Variants in MTMR10 observed in about 807,000 individuals in gnomAD.
MTMR10 encodes myotubularin related protein 10.
Under a neutral mutation model 88.1 loss-of-function variants are expected in MTMR10, and 56 were observed. The ratio of observed to expected loss-of-function variants is 0.64; its 90% CI spans 0.51 to 0.79. MTMR10 has a LOEUF of 0.79. MTMR10 is among the 30% of genes least tolerant of loss of function. MTMR10 has a pLI of 0.00. For synonymous variants in MTMR10, 380 were observed against 340.9 expected (o/e 1.11, Z -1.26); for missense variants, 883 against 924.7 (o/e 0.95, Z 0.58).
At chr15:30,966,248 A>C (rs2063470948) in intron 6 of MTMR10, among the ~76,000 whole-genome samples, 1 of 152,264 alleles carries the variant, frequency 6.6e-6, no homozygotes, top group Admixed American at 6.5e-5. Flanking sequence ...AATGATGTAG[A>C]TTTTAAAATT....
At chr15:30,977,327 T>C (rs2030228024) in intron 2 of MTMR10, among the ~76,000 whole-genome samples, 1 of 152,240 alleles carries the variant, frequency 6.6e-6, no homozygotes, top group African/African-American at 2.4e-5. Context: ...TTGTGTTTTA[T>C]TAACACATGA....
intron 6 of MTMR10, chr15:30,965,902 C>T: frequency 2.8e-6 from 1 of 359,454 alleles, no homozygotes; most frequent in Admixed American, 3.1e-5. Flanking sequence ...TTCTTTAATC[C>T]AGCCAATGAA....
intron 13 of MTMR10, 95 bp from the exon 14 acceptor site, chr15:30,947,395 G>C: frequency 7.2e-7 from 1 of 1,395,058 alleles, no homozygotes; most frequent in Non-Finnish European, 9.7e-7. Context: ...AAGAAGAGAT[G>C]AATGAGAAAA....
chr15:30,930,799 C>A, the MTMR10 span: 1 of 1,181,592 alleles, frequency 8.5e-7, no homozygotes, highest in East Asian at 2.4e-5. Flanking sequence ...GGGCCGAGGG[C>A]CTGGGTTCCT....
rs2959048 is a variant in MTMR10, at chr15:30,964,408, G to C, written c.566-3335C>G. ...CTAACTTACACAAATTTTTCTAAAC[G>C]TAAAATGAGAACATCTATATTTTCT... On this transcript the variant is annotated intron_variant, in intron 6 of 15. Coordinates refer to ENST00000435680, the MANE Select transcript of MTMR10 (RefSeq NM_017762.3). Among the ~76,000 whole-genome samples the C allele has an allele frequency of 2.6e-5, 4 of 152,252 alleles. No homozygotes were observed. The East Asian group carries it at 7.7e-4, about 29-fold the overall frequency.
rs781389500 is a variant in MTMR10 at position 30,948,352 on chromosome 15, C to A, written c.1327G>T (p.Gly443Ter). 6.2e-7 allele frequency: 1 copy of A among 1,613,788 alleles called. No homozygotes were observed. The highest frequency in any genetic ancestry group is 8.5e-7 in the Non-Finnish European group (1 of 1,179,802). The stretch of plus-strand genomic sequence containing the variant: ...TTGCATCTGTCTAGAAACTGATATC[C>A]TGCCATGACCCACTCCTTCTGTATC... ...SLIQKEWVMA[G>*]YQFLDRCNHL... The change falls in exon 13 of 16, where the codon GGA (glycine) becomes TGA (stop). Residue 443 changes from glycine to a stop codon, truncating the protein, a stop_gained. Coordinates refer to ENST00000435680, the MANE Select transcript of MTMR10 (RefSeq NM_017762.3). LOFTEE classifies it high-confidence loss of function.
chr15:30,990,731 A>G (rs761218891), intron 2 of MTMR10, 46 bp downstream of exon 2: 57 of 1,533,574 alleles, frequency 3.7e-5, no homozygotes, highest in Non-Finnish European at 4.8e-5. Context: ...ATCTTAAACC[A>G]AAATACGTTG....
chr15:30,989,470 C>T (rs1024435395), intron 2 of MTMR10, among the ~76,000 whole-genome samples: 2 of 151,886 alleles, frequency 1.3e-5, no homozygotes, highest in Admixed American at 1.3e-4. Context: ...TTAAAGTTTC[C>T]ACATTTGTTC....
At chr15:30,970,892 G>A (rs1443372672) in intron 5 of MTMR10, among the ~76,000 whole-genome samples, 3 of 152,112 alleles carry the variant, frequency 2.0e-5, no homozygotes, top group Non-Finnish European at 2.9e-5. Flanking sequence ...TGAATTACTC[G>A]TTGATTTTTT....
At chr15:30,946,078 G>C (rs1324375165) in intron 14 of MTMR10, 2 of 152,318 alleles carry the variant, frequency 1.3e-5, no homozygotes, top group Non-Finnish European at 2.9e-5. Flanking sequence ...GGCTCCTGTG[G>C]ACTGAGACTG....
intron 10 of MTMR10, among the ~76,000 whole-genome samples, chr15:30,953,986 G>A (rs1444847639): frequency 1.3e-5 from 2 of 152,152 alleles, no homozygotes; most frequent in African/African-American, 4.8e-5. Flanking sequence ...CTAGCCCTTG[G>A]CTTTCTCACT....
rs751323977 is a variant in MTMR10 at position 30,958,933 on chromosome 15, A to G, written c.865T>C (p.Ser289Pro). Residue 289 changes from serine (S) to proline (P), a missense_variant, in exon 9 of 16, where the codon TCT becomes CCT. Around this residue, in one of 3 missense-constraint regions of MTMR10, gnomAD observed 414 missense variants for 423.2 expected, o/e 0.98. Transcript: ENST00000435680. ...RRMPLWCWSHSNGSALVRMAL... is the reference protein window; with the variant it reads ...RRMPLWCWSHPNGSALVRMAL... ...ATTCGCACAAGAGCACTGCCGTTAG[A>G]GTGGCTCCAGCACCAGAGCTAGGGG... The G allele has an allele frequency of 6.2e-7, 1 of 1,614,022 alleles. No individual in the cohort carries two copies. Among genetic ancestry groups the G allele is most frequent in the South Asian group, 1.1e-5 (1 of 91,088 alleles).
chr15:30,930,530 GTT>G, the MTMR10 span: 1 of 1,585,564 alleles, frequency 6.3e-7, no homozygotes, highest in Middle Eastern at 1.7e-4. Flanking sequence ...ACTGTCCTGT[GTT>G]TTGTGTTCAG....
intron 9 of MTMR10, 147 bp downstream of exon 9, chr15:30,958,716 C>A: frequency 2.7e-6 from 2 of 748,736 alleles, no homozygotes; most frequent in Non-Finnish European, 4.4e-6. Context: ...TTATCACATT[C>A]TTTTCAAAAT....
At chr15:30,965,400 GA>G (rs2063460961) in intron 6 of MTMR10, among the ~76,000 whole-genome samples, 1 of 152,238 alleles carries the variant, frequency 6.6e-6, no homozygotes, top group East Asian at 1.9e-4. Context: ...TGTCTGTCAT[GA>G]AGCAGTTGCT....
intron 7 of MTMR10, 146 bp downstream of exon 7, chr15:30,960,735 T>C: frequency 8.6e-7 from 1 of 1,160,198 alleles, no homozygotes; most frequent in Non-Finnish European, 1.1e-6. Flanking sequence ...GCCTTGATCT[T>C]TAAAATAAAA....
intron 6 of MTMR10, chr15:30,965,909 T>C (rs1307755724): frequency 1.6e-5 from 6 of 371,438 alleles, no homozygotes; most frequent in Admixed American, 1.5e-4. Flanking sequence ...ATCCAGCCAA[T>C]GAATCAAGGT....
Position 30,959,016 on chromosome 15 carries a change from CCAA to C in MTMR10, c.846+15_846+17del, listed in dbSNP as rs745502302. 6.2e-7 allele frequency: 1 copy of C among 1,613,538 alleles called. No individual in the cohort carries two copies. The highest frequency in any genetic ancestry group is 1.1e-5 in the South Asian group (1 of 91,074). ...CAATGGACGTCAGCATTCATAAAAT[CCAA>C]CAGAAATCACTTACTGGCATCCTTC... On this transcript the variant is annotated intron_variant, in intron 8 of 15. Transcript: ENST00000435680.
chr15:30,983,495 C>T (rs2141066404), intron 2 of MTMR10, among the ~76,000 whole-genome samples: 1 of 152,288 alleles, frequency 6.6e-6, no homozygotes, highest in South Asian at 2.1e-4. Flanking sequence ...TATTATCTTT[C>T]CTAACACCTT....
Sources: gnomAD v4.1 joint callset for allele counts (sites outside exome capture counted in the v4.1 genomes callset) on GRCh38, gnomAD v4.1.1 for gene constraint, gnomAD v4.1.1 regional missense constraint, MANE v1.5 for transcripts, NCBI Gene and HGNC (gene_info 2026-07-23, HGNC 2026-07-21) for gene names.